LOC128092253: variants seen among roughly 807,000 people sequenced by gnomAD.
the LOC128092253 span, among the ~76,000 whole-genome samples, chr6:133,976,718 G>A: frequency 6.6e-6 from 1 of 152,044 alleles, no homozygotes; most frequent in Non-Finnish European, 1.5e-5. Flanking sequence ...GGCCTGGCGC[G>A]GTGGCCCACA....
At chr6:133,963,719 TC>T in the LOC128092253 span, among the ~76,000 whole-genome samples, 1 of 151,108 alleles carries the variant, frequency 6.6e-6, no homozygotes, top group Non-Finnish European at 1.5e-5. Context: ...ACCAGGCCTG[TC>T]CTTGTCTTTT....
chr6:133,958,279 G>A, the LOC128092253 span, among the ~76,000 whole-genome samples: 1 of 152,200 alleles, frequency 6.6e-6, no homozygotes, highest in Non-Finnish European at 1.5e-5. Flanking sequence ...TTCGTTAGAA[G>A]GCACTATTTT....
the LOC128092253 span, among the ~76,000 whole-genome samples, chr6:133,953,699 C>A: frequency 6.6e-6 from 1 of 151,944 alleles, no homozygotes; most frequent in African/African-American, 2.4e-5. Context: ...TACCTGGGAG[C>A]GTTACCGAGC....
chr6:133,964,775 T>A, the LOC128092253 span, among the ~76,000 whole-genome samples: 1 of 152,182 alleles, frequency 6.6e-6, no homozygotes, highest in African/African-American at 2.4e-5. Context: ...CCCAAGTAAC[T>A]AATTTCATAA....
the LOC128092253 span, among the ~76,000 whole-genome samples, chr6:133,960,396 A>G: frequency 6.6e-6 from 1 of 150,768 alleles, no homozygotes; most frequent in Admixed American, 6.6e-5. Context: ...AGTATAGCAG[A>G]GAAAGCCTTT....
chr6:133,969,623 G>A, the LOC128092253 span, among the ~76,000 whole-genome samples: 53 of 152,200 alleles, frequency 3.5e-4, no homozygotes, highest in African/African-American at 1.2e-3. Context: ...TTTATGGCCA[G>A]GCAAACTTGG....
At chr6:133,960,267 C>T in the LOC128092253 span, among the ~76,000 whole-genome samples, 1 of 152,172 alleles carries the variant, frequency 6.6e-6, no homozygotes, top group East Asian at 1.9e-4. Context: ...GTGTGCTAAT[C>T]TTAAAGGTAC....
At chr6:133,970,950 A>G in the LOC128092253 span, among the ~76,000 whole-genome samples, 1 of 152,188 alleles carries the variant, frequency 6.6e-6, no homozygotes, top group Non-Finnish European at 1.5e-5. Context: ...TGGTAAGAAC[A>G]GTCAAAAGCC....
chr6:133,961,575 C>T, the LOC128092253 span, among the ~76,000 whole-genome samples: 6 of 146,242 alleles, frequency 4.1e-5, no homozygotes, highest in African/African-American at 1.5e-4. Context: ...TTCAAGCATT[C>T]TTCTGCCTCA....
the LOC128092253 span, among the ~76,000 whole-genome samples, chr6:133,957,363 T>C: frequency 2.0e-4 from 31 of 152,300 alleles, no homozygotes; most frequent in African/African-American, 7.5e-4. Flanking sequence ...TTAGGACATA[T>C]GTGGATGATT....
the LOC128092253 span, among the ~76,000 whole-genome samples, chr6:133,955,432 T>TA: frequency 6.6e-6 from 1 of 152,098 alleles, no homozygotes; most frequent in Non-Finnish European, 1.5e-5. Context: ...TTCCGTTTCT[T>TA]ACAGCATTTT....
At chr6:133,957,472 T>C in the LOC128092253 span, among the ~76,000 whole-genome samples, 2 of 152,226 alleles carry the variant, frequency 1.3e-5, no homozygotes, top group East Asian at 3.8e-4. Flanking sequence ...AGAACTTAAG[T>C]CTTACTTAAA....
chr6:133,978,655 G>C, the LOC128092253 span, among the ~76,000 whole-genome samples: 1 of 152,134 alleles, frequency 6.6e-6, no homozygotes, highest in Non-Finnish European at 1.5e-5. Flanking sequence ...GAATACAAGA[G>C]TGAAAAAATA....
the LOC128092253 span, among the ~76,000 whole-genome samples, chr6:133,968,611 A>G: frequency 1.3e-5 from 2 of 152,238 alleles, no homozygotes; most frequent in Non-Finnish European, 1.5e-5. Context: ...GTTCAGAACT[A>G]GTCCACTGTC....
the LOC128092253 span, among the ~76,000 whole-genome samples, chr6:133,964,623 T>C: frequency 6.6e-6 from 1 of 151,990 alleles, no homozygotes; most frequent in Admixed American, 6.5e-5. Flanking sequence ...CTAATTTTTG[T>C]ATTTTTAGTA....
At chr6:133,955,563 C>A in the LOC128092253 span, among the ~76,000 whole-genome samples, 1 of 152,066 alleles carries the variant, frequency 6.6e-6, no homozygotes, top group African/African-American at 2.4e-5. Flanking sequence ...GTTCTGTATT[C>A]ATTCTGAGTA....
the LOC128092253 span, among the ~76,000 whole-genome samples, chr6:133,978,526 T>G: frequency 6.6e-6 from 1 of 152,200 alleles, no homozygotes; most frequent in East Asian, 1.9e-4. Context: ...TATATATCTA[T>G]CCATCAGTTC....
At chr6:133,973,355 T>G in the LOC128092253 span, among the ~76,000 whole-genome samples, 1 of 152,330 alleles carries the variant, frequency 6.6e-6, no homozygotes, top group South Asian at 2.1e-4. Flanking sequence ...TTCCCCTGTA[T>G]CCTCAGCTTC....
the LOC128092253 span, among the ~76,000 whole-genome samples, chr6:133,960,594 G>A: frequency 6.6e-6 from 1 of 152,018 alleles, no homozygotes; most frequent in Non-Finnish European, 1.5e-5. Context: ...TTTGGTTTTG[G>A]CCTATTAAAA....
Sources: gnomAD v4.1 joint callset for allele counts (sites outside exome capture counted in the v4.1 genomes callset) on GRCh38, gnomAD v4.1.1 for gene constraint, MANE v1.5 for transcripts.